The following GBE1 variants were observed in gnomAD, a reference collection of about 807,000 sequenced individuals.
GBE1 encodes the protein 1,4-alpha-glucan branching enzyme 1, also known as 1,4-alpha-glucan-branching enzyme.
GBE1 carries 70 observed loss-of-function variants against 88.8 expected under a neutral mutation model. The ratio of observed to expected loss-of-function variants is 0.79; its 90% CI spans 0.65 to 0.96. The LOEUF is 0.96. Among genes scored for constraint, GBE1 ranks in the 40% least tolerant of loss-of-function variants. The probability of loss-of-function intolerance (pLI) is 0.00; values close to 1 mark genes in which losing one functional copy is unlikely to be tolerated. For missense variants in GBE1, 872 were observed against 871.0 expected (o/e 1.00, Z -0.01); for synonymous variants, 284 against 300.1 (o/e 0.95, Z 0.56).
intron 7 of GBE1, among the ~76,000 whole-genome samples, chr3:81,621,078 T>C (rs1704325381): frequency 1.3e-5 from 2 of 152,178 alleles, no homozygotes; most frequent in African/African-American, 4.8e-5. Context: ...AAATTCCTTG[T>C]CTTTATAAAT....
At chr3:81,568,759 G>A (rs1251555683) in intron 12 of GBE1, among the ~76,000 whole-genome samples, 1 of 152,146 alleles carries the variant, frequency 6.6e-6, no homozygotes, top group African/African-American at 2.4e-5. Context: ...GTCTGTATCT[G>A]TGTTAGACAC....
rs114402031 is a variant in GBE1 at position 81,543,126 on chromosome 3, G to A, written c.1619-6031C>T. 4.9e-3 allele frequency among the ~76,000 whole-genome samples: 740 copies of A among 152,032 alleles called. 8 individuals are homozygous for A. Among genetic ancestry groups the A allele is most frequent in the Non-Finnish European group, 4.6e-3 (314 of 67,958 alleles). ...AATTAAATTTCTAAGTTAGAAAATA[G>A]AACTTTAATTTAAAAAATTCAAAAT... On this transcript the variant is annotated intron_variant, in intron 12 of 15. Coordinates refer to ENST00000429644, the MANE Select transcript of GBE1 (RefSeq NM_000158.4).
At chr3:81,617,884 T>C (rs1263734518) in intron 7 of GBE1, among the ~76,000 whole-genome samples, 4 of 152,030 alleles carry the variant, frequency 2.6e-5, no homozygotes, top group African/African-American at 7.2e-5. Flanking sequence ...AAGTTACAAA[T>C]TAAATTTTAT....
At position 81,577,934 on chromosome 3, in the gene GBE1, T is replaced by A; in HGVS notation, c.1609A>T (p.Asn537Tyr). The A allele has an allele frequency of 6.3e-7, 1 of 1,592,418 alleles. No individual in the cohort carries two copies. Among genetic ancestry groups the A allele is most frequent in the Non-Finnish European group, 8.5e-7 (1 of 1,172,858 alleles). The change falls in exon 12 of 16, where the codon AAT becomes TAT. Residue 537 changes from asparagine (N) to tyrosine (Y), a missense_variant. By Grantham distance (143) the Asn-to-Tyr change is moderately radical (BLOSUM62 -2). Coordinates refer to ENST00000429644, the MANE Select transcript of GBE1 (RefSeq NM_000158.4). ...TTTAACTCACACTTACCCATGAAAT[T>A]GAGATAGCCTTCTCCACCAAGCCCA... Reference protein sequence around the residue: ...THGLGGEGYLNFMGNEFGHPE... With the variant: ...THGLGGEGYLYFMGNEFGHPE...
intron 2 of GBE1, among the ~76,000 whole-genome samples, chr3:81,690,312 TCTTA>T (rs1469630362): frequency 6.6e-6 from 1 of 152,218 alleles, no homozygotes; most frequent in Non-Finnish European, 1.5e-5. Context: ...TCTAAATTCC[TCTTA>T]CTAAGCTTCG....
At chr3:81,562,234 C>T (rs1703429690) in intron 12 of GBE1, among the ~76,000 whole-genome samples, 1 of 152,012 alleles carries the variant, frequency 6.6e-6, no homozygotes, top group Non-Finnish European at 1.5e-5. Context: ...TAATTTGTAA[C>T]ATTGGTTCAT....
intron 1 of GBE1, among the ~76,000 whole-genome samples, chr3:81,742,273 T>A (rs571428958): frequency 6.6e-6 from 1 of 152,086 alleles, no homozygotes; most frequent in African/African-American, 2.4e-5. Context: ...ACCTACTAAA[T>A]GAACTTGAAC....
intron 7 of GBE1, among the ~76,000 whole-genome samples, chr3:81,613,580 A>C (rs543265051): frequency 7.9e-5 from 12 of 152,278 alleles, no homozygotes; most frequent in African/African-American, 2.9e-4. Flanking sequence ...GGGTTATAGA[A>C]GGTCAGCAAG....
intron 1 of GBE1, among the ~76,000 whole-genome samples, chr3:81,719,257 T>C (rs1705986009): frequency 6.6e-6 from 1 of 152,054 alleles, no homozygotes; most frequent in African/African-American, 2.4e-5. Flanking sequence ...TATTCTGTCT[T>C]GCAGGCTGGA....
At chr3:81,708,530 G>GA (rs916016872) in intron 1 of GBE1, among the ~76,000 whole-genome samples, 4 of 152,036 alleles carry the variant, frequency 2.6e-5, no homozygotes, top group African/African-American at 9.7e-5. Flanking sequence ...ATATGGATGG[G>GA]ATATGGTTCA....
chr3:81,733,053 T>G lies in GBE1; in HGVS notation c.144-27440A>C, dbSNP rs906051326. Among the ~76,000 whole-genome samples, 4 of 152,112 alleles carry G rather than the reference T, an allele frequency of 2.6e-5. No homozygotes were observed. The highest frequency in any genetic ancestry group is 5.9e-5 in the Non-Finnish European group (4 of 68,006). ...ATTGTGTCGCACAGCAGGAGGTGAA[T>G]GGCAAAAATAAACACAAAGAAGCTT... On this transcript the variant is annotated intron_variant, in intron 1 of 15. Coordinates refer to ENST00000429644, the MANE Select transcript of GBE1 (RefSeq NM_000158.4). This position sits in a 1 kb window ranked among gnomAD's most constrained non-coding sequence, Gnocchi z 4.0.
chr3:81,740,873 C>T (rs1575773492), intron 1 of GBE1, among the ~76,000 whole-genome samples: 1 of 152,144 alleles, frequency 6.6e-6, no homozygotes, highest in South Asian at 2.1e-4. Context: ...TTCACCCTCT[C>T]AGTAACTGAA....
At chr3:81,570,071 A>G (rs1313547966) in intron 12 of GBE1, among the ~76,000 whole-genome samples, 1 of 152,082 alleles carries the variant, frequency 6.6e-6, no homozygotes, top group Non-Finnish European at 1.5e-5. Flanking sequence ...CAGCCTCCCA[A>G]AGTGCTGGGA....
chr3:81,627,508 C>A (rs1704434542), intron 7 of GBE1, among the ~76,000 whole-genome samples: 1 of 151,952 alleles, frequency 6.6e-6, no homozygotes, highest in Non-Finnish European at 1.5e-5. Context: ...TGAATAATAA[C>A]AGCATTTTTA....
intron 6 of GBE1, among the ~76,000 whole-genome samples, chr3:81,645,916 T>C (rs749948605): frequency 3.9e-5 from 6 of 152,188 alleles, no homozygotes; most frequent in Non-Finnish European, 5.9e-5. Flanking sequence ...ACCTCTTTAA[T>C]TGCATAGAAT....
At chr3:81,536,056 T>C (rs1057281044) in intron 13 of GBE1, among the ~76,000 whole-genome samples, 3 of 151,878 alleles carry the variant, frequency 2.0e-5, no homozygotes, top group Non-Finnish European at 4.4e-5. Flanking sequence ...AGCTCTAGAG[T>C]AAACAGGGTG....
At chr3:81,505,238 T>C (rs1462258030) in intron 14 of GBE1, among the ~76,000 whole-genome samples, 1 of 152,210 alleles carries the variant, frequency 6.6e-6, no homozygotes, top group Non-Finnish European at 1.5e-5. Context: ...ATTAAAATAA[T>C]GCCCAGGAGC....
intron 7 of GBE1, among the ~76,000 whole-genome samples, chr3:81,625,301 C>T (rs551871559): frequency 6.6e-6 from 1 of 152,262 alleles, no homozygotes; most frequent in South Asian, 2.1e-4. Flanking sequence ...TTTGCATTGG[C>T]TATGATCTTT....
At chr3:81,586,277 A>G (rs1260791047) in intron 9 of GBE1, 87 bp from the exon 10 acceptor site, 1 of 778,806 alleles carries the variant, frequency 1.3e-6, no homozygotes, top group Non-Finnish European at 2.1e-6. Flanking sequence ...GAAAACAATA[A>G]TAGGGGAATA....
Sources: allele counts gnomAD v4.1 joint callset (sites outside exome capture counted in the v4.1 genomes callset), GRCh38; gene constraint gnomAD v4.1.1; non-coding constraint Gnocchi (gnomAD v3.1); transcripts MANE v1.5; gene names NCBI Gene and HGNC (gene_info 2026-07-23, HGNC 2026-07-21).